The following PHLPP1 variants were observed in gnomAD, a reference collection of about 807,000 sequenced individuals.
The protein encoded by PHLPP1 is PH domain leucine-rich repeat-containing protein phosphatase 1.
PHLPP1 carries 42 observed loss-of-function variants against 117.2 expected under a neutral mutation model. The observed-to-expected ratio is 0.36, with a 90% CI of 0.28 to 0.46. The LOEUF is 0.46. PHLPP1 is among the 20% of genes least tolerant of loss of function. The probability of loss-of-function intolerance (pLI) is 1.00; values close to 1 mark genes in which losing one functional copy is unlikely to be tolerated. For missense variants in PHLPP1, 2,084 were observed against 2,241.9 expected (o/e 0.93, Z 1.42); for synonymous variants, 1,042 against 970.7 (o/e 1.07, Z -1.37).
intron 1 of PHLPP1, among the ~76,000 whole-genome samples, chr18:62,724,979 A>G: frequency 6.6e-6 from 1 of 152,310 alleles, no homozygotes; most frequent in Middle Eastern, 3.4e-3. Context: ...TAAAAGAATA[A>G]AAGTGTTAGA....
At chr18:62,804,868 T>C (rs1304603698) in intron 1 of PHLPP1, among the ~76,000 whole-genome samples, 1 of 149,898 alleles carries the variant, frequency 6.7e-6, no homozygotes, top group African/African-American at 2.4e-5. Context: ...ATATTATACA[T>C]ATACAGTATA....
chr18:62,828,008 T>TTGTG (rs34088259), intron 1 of PHLPP1, among the ~76,000 whole-genome samples: 3,100 of 146,728 alleles, frequency 0.021, 46 homozygotes, highest in Middle Eastern at 0.042. Context: ...TTCTTTGCAT[T>TTGTG]TGTGTGTGTG....
intron 10 of PHLPP1, among the ~76,000 whole-genome samples, chr18:62,933,393 C>T (rs1909876716): frequency 6.6e-6 from 1 of 152,144 alleles, no homozygotes; most frequent in Non-Finnish European, 1.5e-5. Flanking sequence ...ATGAAAACAG[C>T]ATCGAACTGT....
chr18:62,919,836 A>C, intron 9 of PHLPP1, 123 bp from the exon 10 acceptor site: 4 of 701,908 alleles, frequency 5.7e-6, no homozygotes, highest in Non-Finnish European at 9.6e-6. Context: ...AATAGTTTCA[A>C]GTTTGAATTT....
At chr18:62,932,485 A>G (rs1396299701) in intron 10 of PHLPP1, among the ~76,000 whole-genome samples, 1 of 152,346 alleles carries the variant, frequency 6.6e-6, no homozygotes, top group South Asian at 2.1e-4. Flanking sequence ...AATATATGTG[A>G]TTCACCACAT....
intron 1 of PHLPP1, among the ~76,000 whole-genome samples, chr18:62,753,925 G>A (rs1274763109): frequency 6.6e-6 from 1 of 152,160 alleles, no homozygotes; most frequent in Non-Finnish European, 1.5e-5. Flanking sequence ...TTTCCTTGAA[G>A]TCAGCCCTTT....
chr18:62,887,359 TGA>T (rs1366745352), intron 4 of PHLPP1, among the ~76,000 whole-genome samples: 1 of 152,082 alleles, frequency 6.6e-6, no homozygotes, highest in African/African-American at 2.4e-5. Flanking sequence ...CAGTAGCACA[TGA>T]GAAAAAAGAA....
At chr18:62,959,708 G>A (rs1026233788) in intron 13 of PHLPP1, among the ~76,000 whole-genome samples, 4 of 152,154 alleles carry the variant, frequency 2.6e-5, no homozygotes, top group African/African-American at 7.2e-5. Flanking sequence ...AGAAAAGAAC[G>A]GTAGAATTTT....
At chr18:62,966,332 A>C (rs1274577036) in intron 14 of PHLPP1, among the ~76,000 whole-genome samples, 3 of 151,976 alleles carry the variant, frequency 2.0e-5, no homozygotes, top group African/African-American at 7.2e-5. Flanking sequence ...TATATTTTTA[A>C]GTTTATATAT....
At chr18:62,935,731 C>T (rs909897629) in intron 10 of PHLPP1, among the ~76,000 whole-genome samples, 1 of 152,170 alleles carries the variant, frequency 6.6e-6, no homozygotes, top group Non-Finnish European at 1.5e-5. Flanking sequence ...TGGCCGGGTG[C>T]CATGGCTCCT....
At chr18:62,968,492 A>T (rs184205105) in intron 14 of PHLPP1, among the ~76,000 whole-genome samples, 1 of 125,710 alleles carries the variant, frequency 8.0e-6, no homozygotes, top group East Asian at 2.5e-4. Context: ...TTTCAAATGT[A>T]TTAACATAAG....
At position 62,766,090 on chromosome 18, in the gene PHLPP1, T is replaced by A. The variant is rs1405105406; in HGVS notation, c.1576+48831T>A. Reference sequence around the variant, plus strand: ...AAAAAAAAAAAAATATATATATATATATATATATATATAAAATATATATAT... The same window carrying A: ...AAAAAAAAAAAAATATATATATATAAATATATATATATAAAATATATATAT... On this transcript the variant is annotated intron_variant, in intron 1 of 16. Transcript: ENST00000262719. Among the ~76,000 whole-genome samples, 62 of 72,240 alleles carry A rather than the reference T, an allele frequency of 8.6e-4. 4 individuals carry two copies. The highest frequency in any genetic ancestry group is 1.4e-3 in the African/African-American group (32 of 22,324). 47.4% of individuals were successfully genotyped at this position (72,240 alleles called of 152,430 possible).
At chr18:62,915,964 A>G (rs2144420104) in intron 9 of PHLPP1, among the ~76,000 whole-genome samples, 1 of 152,318 alleles carries the variant, frequency 6.6e-6, no homozygotes, top group South Asian at 2.1e-4. Flanking sequence ...ATTTTTAGCT[A>G]TGTGTAGTCA....
intron 1 of PHLPP1, among the ~76,000 whole-genome samples, chr18:62,795,211 C>G (rs1189243771): frequency 6.6e-6 from 1 of 152,080 alleles, no homozygotes; most frequent in Non-Finnish European, 1.5e-5. Flanking sequence ...GGCGCGATGG[C>G]TCACACTTGT....
At chr18:62,853,907 G>A (rs769610078) in intron 3 of PHLPP1, among the ~76,000 whole-genome samples, 5 of 152,162 alleles carry the variant, frequency 3.3e-5, no homozygotes, top group Non-Finnish European at 7.4e-5. Flanking sequence ...AGCCTCTCCT[G>A]ATTTTTTAAA....
Position 62,979,485 on chromosome 18 carries a change from GTC to G in PHLPP1, c.*57_*58del. The stretch of plus-strand genomic sequence containing the variant: ...AACCACAAAAGACTGAGTTGCAAGA[GTC>G]TCCCAGGCTCACATTAAACCAGGGG... On this transcript the variant is annotated 3_prime_UTR_variant, in exon 17 of 17. Transcript: ENST00000262719. 2.0e-6 allele frequency: 3 copies of G among 1,521,320 alleles called. No homozygotes were observed. Among genetic ancestry groups the G allele is most frequent in the Non-Finnish European group, 2.7e-6 (3 of 1,130,246 alleles). The allele number at this position is 1,521,320 out of a possible 1,614,324, so 94.2% of individuals were successfully genotyped here.
rs180795784 is a variant in PHLPP1, at chr18:62,784,007, G to C, written c.1577-46028G>C. Among the ~76,000 whole-genome samples, 156 of 152,342 alleles carry C rather than the reference G, an allele frequency of 1.0e-3. 1 individual carries two copies. The highest frequency in any genetic ancestry group is 3.6e-3 in the African/African-American group (148 of 41,580). On this transcript the variant is annotated intron_variant, in intron 1 of 16. Coordinates refer to ENST00000262719, the MANE Select transcript of PHLPP1 (RefSeq NM_194449.4). Reference sequence around the variant, plus strand: ...AGCTGAAGCTGCTGGCTACAGCTCAGAGCACTTGTAACTCCAGACCCAGGC... The same window carrying C: ...AGCTGAAGCTGCTGGCTACAGCTCACAGCACTTGTAACTCCAGACCCAGGC...
chr18:62,834,301 G>A (rs1174149569), intron 2 of PHLPP1, among the ~76,000 whole-genome samples: 1 of 152,070 alleles, frequency 6.6e-6, no homozygotes, highest in African/African-American at 2.4e-5. Flanking sequence ...TAGTCACATC[G>A]CTCCACCTTA....
In PHLPP1 at chr18:62,838,933, A is replaced by G. The variant is rs761451529; in HGVS notation, c.1899+24A>G. The G allele has an allele frequency of 7.4e-6, 12 of 1,612,932 alleles. No individual in the cohort carries two copies. The Admixed American group carries it at 2.0e-4, about 27-fold the overall frequency. On this transcript the variant is annotated intron_variant, in intron 3 of 16. Transcript: ENST00000262719. ...AGGTAAGCAAGCACTTAATCCAGGA[A>G]TCCACTCAGCTTCTAGCTGGCTACA...
Sources: gnomAD v4.1 joint callset for allele counts (sites outside exome capture counted in the v4.1 genomes callset) on GRCh38, gnomAD v4.1.1 for gene constraint, MANE v1.5 for transcripts, NCBI Gene and HGNC (gene_info 2026-07-23, HGNC 2026-07-21) for gene names.